Variants in SWI5 observed in about 807,000 individuals in gnomAD.
SWI5 encodes SWI5 homologous recombination repair protein.
SWI5 carries 12 observed loss-of-function variants against 17.0 expected under a neutral mutation model. The observed-to-expected ratio is 0.71, with a 90% CI of 0.45 to 1.14. The LOEUF is 1.14. Among genes scored for constraint, SWI5 ranks in the 50% most tolerant of loss-of-function variants. SWI5 has a pLI of 0.00. For missense variants in SWI5, 158 were observed against 162.2 expected (o/e 0.97, Z 0.14); for synonymous variants, 61 against 64.0 (o/e 0.95, Z 0.22).
intron 2 of SWI5, 66 bp from the exon 3 acceptor site, chr9:128,284,444 G>A (rs889747491): frequency 1.3e-6 from 2 of 1,568,726 alleles, no homozygotes; most frequent in African/African-American, 2.7e-5. Context: ...TGACTACTGG[G>A]GGACATGTAG....
At chr9:128,288,363 T>C (rs1831681213) in intron 4 of SWI5, among the ~76,000 whole-genome samples, 1 of 152,246 alleles carries the variant, frequency 6.6e-6, no homozygotes, top group Non-Finnish European at 1.5e-5. Context: ...GTTTCATTCC[T>C]CTGCAAAATG....
rs757031716 is a variant in SWI5, at chr9:128,285,944, A to G, written c.239A>G (p.Tyr80Cys). 14 of 1,612,722 alleles carry G rather than the reference A, an allele frequency of 8.7e-6. No individual in the cohort carries two copies. Among genetic ancestry groups the G allele is most frequent in the African/African-American group, 1.3e-5 (1 of 74,888 alleles). ...CTCTCCATCGCTTATCCCAGAGGCTACAGTGTGGATGAACTGGAGGACCAC... is the reference window on the plus strand; with the variant it reads ...CTCTCCATCGCTTATCCCAGAGGCTGCAGTGTGGATGAACTGGAGGACCAC... The change falls in exon 4 of 5, where the codon TAC becomes TGC. Residue 80 changes from tyrosine to cysteine, a missense_variant. By Grantham distance (194) the Tyr-to-Cys change is radical. Coordinates refer to ENST00000418976, the Ensembl canonical transcript of SWI5. This position sits in a 1 kb window ranked among gnomAD's most constrained non-coding sequence, Gnocchi z 4.8.
chr9:128,282,766 C>G (rs1370505763), intron 2 of SWI5, among the ~76,000 whole-genome samples: 1 of 152,246 alleles, frequency 6.6e-6, no homozygotes, highest in East Asian at 1.9e-4. Flanking sequence ...GTAGACAGCT[C>G]ATCCAACATA....
chr9:128,285,908 TC>T lies in SWI5; in HGVS notation c.234-30del, dbSNP rs1564375501. 1 of 1,521,694 alleles carries T rather than the reference TC, an allele frequency of 6.6e-7. No individual in the cohort carries two copies. The allele number at this position is 1,521,694 out of a possible 1,614,324, so 94.3% of individuals were successfully genotyped here. On this transcript the variant is annotated intron_variant, in intron 3 of 4. Coordinates refer to ENST00000418976, the Ensembl canonical transcript of SWI5. This position sits in a 1 kb window ranked among gnomAD's most constrained non-coding sequence, Gnocchi z 4.8. The stretch of plus-strand genomic sequence containing the variant: ...ATCATCTGCTTTCTTAACTGGGCTG[TC>T]TTTCCCCCTCTCTCCATCGCTTATC...
rs1055538288 is a variant in SWI5 at position 128,276,820 on chromosome 9, C to T, written c.111+65C>T. 45 of 1,502,640 alleles carry T rather than the reference C, an allele frequency of 3.0e-5. 1 individual carries two copies. In the African/African-American group the frequency reaches 3.6e-4, roughly 12 times the overall value. The allele number at this position is 1,502,640 out of a possible 1,614,324, so 93.1% of individuals were successfully genotyped here. A position where few individuals can be genotyped will look rare whatever the true frequency, so the allele number is the denominator to read the frequency against. ...ACCTTCCCTTGTGCGCTCCCGGCCC[C>T]ACTCCCCATCCCAACAGCAGCCAAT... On this transcript the variant is annotated intron_variant, in intron 2 of 4. Transcript: ENST00000418976.
chr9:128,277,099 A>G (rs867357809), intron 2 of SWI5, among the ~76,000 whole-genome samples: 3 of 151,912 alleles, frequency 2.0e-5, no homozygotes, highest in African/African-American at 7.3e-5. Context: ...AAACAAACCC[A>G]TAGCTCCCCA....
intron 4 of SWI5, among the ~76,000 whole-genome samples, chr9:128,287,416 G>A (rs1831660864): frequency 6.7e-6 from 1 of 148,378 alleles, no homozygotes; most frequent in South Asian, 2.1e-4. Context: ...TCACACCACT[G>A]TACTCCAGCC....
In SWI5 at chr9:128,285,251, GGGGAAGGAAA is replaced by G. The variant is rs201148362; in HGVS notation, c.233+630_233+639del. The stretch of plus-strand genomic sequence containing the variant: ...AGAAAGGAAGGGAAAGAAGGAAAGG[GGGGAAGGAAA>G]GGGAAGGAAGGAAGGGAAAGGAAGG... On this transcript the variant is annotated intron_variant, in intron 3 of 4. Coordinates refer to ENST00000418976, the Ensembl canonical transcript of SWI5. This position sits in a 1 kb window ranked among gnomAD's most constrained non-coding sequence, Gnocchi z 4.8. 6.8e-3 allele frequency among the ~76,000 whole-genome samples: 1,022 copies of G among 149,820 alleles called. 38 individuals carry two copies. Among genetic ancestry groups the G allele is most frequent in the East Asian group, 0.066 (334 of 5,062 alleles).
chr9:128,276,801 CCTTG>C (rs1831403409), intron 2 of SWI5, 46 bp downstream of exon 2: 2 of 1,558,380 alleles, frequency 1.3e-6, no homozygotes, highest in Admixed American at 3.5e-5. Context: ...CTCGACCTTC[CCTTG>C]TGCGCTCCCG....
In SWI5 at chr9:128,284,603, G is replaced by A. The variant is rs758110016; in HGVS notation, c.205G>A (p.Asp69Asn). ...ACTGAAGGAGAAGAGGGACATGCTG[G>A]ACAAGGAGATCTCCCAGTTCGTATC... Residue 69 changes from aspartate (D) to asparagine (N), a missense_variant, in exon 3 of 5, where the codon GAC becomes AAC. Asp to Asn is a conservative substitution (Grantham distance 23, BLOSUM62 1). Coordinates refer to ENST00000418976, the Ensembl canonical transcript of SWI5. 1.9e-6 allele frequency: 3 copies of A among 1,613,856 alleles called. No individual in the cohort carries two copies. The East Asian group carries it at 6.7e-5, about 36-fold the overall frequency.
intron 2 of SWI5, among the ~76,000 whole-genome samples, chr9:128,280,130 C>T (rs745578636): frequency 1.3e-5 from 2 of 152,052 alleles, no homozygotes; most frequent in African/African-American, 2.4e-5. Context: ...TATACTGAAA[C>T]AGTTTGTGCC....
chr9:128,281,926 C>G (rs1312619949), intron 2 of SWI5, among the ~76,000 whole-genome samples: 4 of 151,960 alleles, frequency 2.6e-5, no homozygotes, highest in Non-Finnish European at 4.4e-5. Context: ...TAAAATTTTT[C>G]AAAAAAATTC....
intron 2 of SWI5, among the ~76,000 whole-genome samples, chr9:128,283,595 G>A (rs1831581454): frequency 6.6e-6 from 1 of 152,234 alleles, no homozygotes; most frequent in African/African-American, 2.4e-5. Flanking sequence ...CTGGGGACAA[G>A]GGCAGGCCCA....
At chr9:128,284,604 A>G (rs1175747843) in exon 3 of SWI5, 2 of 1,613,832 alleles carry the variant, frequency 1.2e-6, no homozygotes, top group African/African-American at 2.7e-5. Context: ...GACATGCTGG[A>G]CAAGGAGATC....
At chr9:128,276,881 G>A in intron 2 of SWI5, 126 bp downstream of exon 2, 1 of 998,572 alleles carries the variant, frequency 1.0e-6, no homozygotes, top group East Asian at 2.5e-5. Flanking sequence ...TCTCCCAGTC[G>A]ACTGAGAACC....
intron 2 of SWI5, among the ~76,000 whole-genome samples, chr9:128,280,835 A>G (rs1831524567): frequency 6.6e-6 from 1 of 151,562 alleles, no homozygotes; most frequent in Non-Finnish European, 1.5e-5. Context: ...TCTTTTTCAC[A>G]CCACTATCCC....
chr9:128,276,314 C>G, exon 1 of SWI5: 1 of 1,613,064 alleles, frequency 6.2e-7, no homozygotes, highest in Non-Finnish European at 8.5e-7. Flanking sequence ...CCCGGTGCAC[C>G]TGAGAGGTCG....
intron 2 of SWI5, among the ~76,000 whole-genome samples, chr9:128,277,969 T>C (rs1190916213): frequency 7.2e-6 from 1 of 138,186 alleles, no homozygotes; most frequent in Non-Finnish European, 1.6e-5. Flanking sequence ...TTTTTTTTTT[T>C]TGAGACACAG....
In SWI5 at chr9:128,280,675, G is replaced by C. The variant is rs113955722; in HGVS notation, c.112-3835G>C. On this transcript the variant is annotated intron_variant, in intron 2 of 4. Coordinates refer to ENST00000418976, the Ensembl canonical transcript of SWI5. ...TGGGACTACAGGCGCCCGCCACCAC[G>C]CCCAGCTAATTTTTTGTATTTTTAG... Among the ~76,000 whole-genome samples, 1,091 of 152,052 alleles carry C rather than the reference G, an allele frequency of 7.2e-3. 4 individuals carry two copies. The highest frequency in any genetic ancestry group is 0.012 in the Non-Finnish European group (788 of 67,986).
Sources: gnomAD v4.1 joint callset for allele counts (sites outside exome capture counted in the v4.1 genomes callset) on GRCh38, gnomAD v4.1.1 for gene constraint, Gnocchi (gnomAD v3.1) non-coding constraint, MANE v1.5 for transcripts, NCBI Gene and HGNC (gene_info 2026-07-23, HGNC 2026-07-21) for gene names.